The following ALDH1A2 variants were observed in gnomAD, a reference collection of about 807,000 sequenced individuals.
The protein encoded by ALDH1A2 is retinal dehydrogenase 2.
In ALDH1A2, 27 loss-of-function variants were observed where a neutral mutation model predicts 60.3. The ratio of observed to expected loss-of-function variants is 0.45; its 90% CI spans 0.33 to 0.62. ALDH1A2 has a LOEUF of 0.62. ALDH1A2 is among the 20% of genes least tolerant of loss of function. ALDH1A2 has a pLI of 0.02. For synonymous variants in ALDH1A2, 289 were observed against 232.4 expected, an observed-to-expected ratio of 1.24 and a Z score of -2.21; for missense variants, 581 against 643.8, an observed-to-expected ratio of 0.90 and a Z score of 1.06.
chr15:57,997,238 A>T (rs1895094135), intron 4 of ALDH1A2, among the ~76,000 whole-genome samples: 1 of 152,066 alleles, frequency 6.6e-6, no homozygotes, highest in Non-Finnish European at 1.5e-5. Context: ...AGATAACTAA[A>T]GAATCTTCTG....
chr15:57,984,884 G>A (rs896917186), intron 7 of ALDH1A2, among the ~76,000 whole-genome samples: 10 of 152,008 alleles, frequency 6.6e-5, no homozygotes, highest in Non-Finnish European at 2.9e-5. Context: ...TGATCACCTG[G>A]TTTTTGTCCT....
At chr15:58,027,574 C>G (rs1180455484) in intron 1 of ALDH1A2, among the ~76,000 whole-genome samples, 1 of 152,112 alleles carries the variant, frequency 6.6e-6, no homozygotes, top group African/African-American at 2.4e-5. Flanking sequence ...AAGTAGGCTT[C>G]AGAAGGTCGG....
chr15:57,981,956 C>T (rs1263870541), intron 7 of ALDH1A2, among the ~76,000 whole-genome samples: 2 of 152,138 alleles, frequency 1.3e-5, no homozygotes, highest in Non-Finnish European at 2.9e-5. Flanking sequence ...ATGTGGTGAA[C>T]GACTTCCTGT....
Position 58,021,800 on chromosome 15 carries a change from G to C in ALDH1A2, c.118-7519C>G, listed in dbSNP as rs1272554158. On this transcript the variant is annotated intron_variant, in intron 1 of 12. Transcript: ENST00000249750. ...GTAGCCAAGGCTAAGAAGCCAGTGA[G>C]ACATGAGCTGAAGCACCCAGTGCTG... Among the ~76,000 whole-genome samples the C allele has an allele frequency of 2.0e-5, 3 of 152,260 alleles. No individual in the cohort carries two copies. The South Asian group carries it at 6.2e-4, about 31-fold the overall frequency.
At chr15:57,955,291 G>T in intron 12 of ALDH1A2, 22 bp from the exon 13 acceptor site, 1 of 1,613,730 alleles carries the variant, frequency 6.2e-7, no homozygotes, top group Non-Finnish European at 8.5e-7. Flanking sequence ...AAATGGGCCG[G>T]GTCAGATACC....
intron 7 of ALDH1A2, among the ~76,000 whole-genome samples, chr15:57,989,504 A>G (rs1894822114): frequency 1.3e-5 from 2 of 152,196 alleles, no homozygotes; most frequent in South Asian, 4.1e-4. Context: ...ATATTATAGT[A>G]ACACATCTTA....
intron 1 of ALDH1A2, among the ~76,000 whole-genome samples, chr15:58,018,289 C>G (rs1221963672): frequency 6.6e-6 from 1 of 151,616 alleles, no homozygotes; most frequent in East Asian, 1.9e-4. Flanking sequence ...AGATTATGAC[C>G]CATAGAATGA....
intron 4 of ALDH1A2, among the ~76,000 whole-genome samples, chr15:57,998,595 A>C (rs1895146592): frequency 6.6e-6 from 1 of 152,168 alleles, no homozygotes; most frequent in Non-Finnish European, 1.5e-5. Context: ...CATGGATAGG[A>C]AGAATCAATA....
intron 1 of ALDH1A2, among the ~76,000 whole-genome samples, chr15:58,063,130 G>T (rs1275045364): frequency 6.6e-6 from 1 of 152,184 alleles, no homozygotes; most frequent in South Asian, 2.1e-4. Flanking sequence ...TCATAGTCTG[G>T]TCATTTATTT....
intron 1 of ALDH1A2, among the ~76,000 whole-genome samples, chr15:58,064,196 G>A (rs1390211225): frequency 6.6e-6 from 1 of 151,992 alleles, no homozygotes; most frequent in East Asian, 1.9e-4. Flanking sequence ...TTCCCTGCTC[G>A]TTCCTAAACC....
At chr15:57,989,130 C>G (rs1053989950) in intron 7 of ALDH1A2, among the ~76,000 whole-genome samples, 39 of 152,188 alleles carry the variant, frequency 2.6e-4, no homozygotes, top group Non-Finnish European at 1.5e-5. Context: ...GCCTGGGTGA[C>G]AGGGCAAGAC....
At chr15:58,021,153 G>A (rs1258878744) in intron 1 of ALDH1A2, among the ~76,000 whole-genome samples, 1 of 152,016 alleles carries the variant, frequency 6.6e-6, no homozygotes, top group Non-Finnish European at 1.5e-5. Flanking sequence ...GTGACATATG[G>A]TTAGATTTTA....
chr15:57,996,004 T>C (rs1220926949), intron 4 of ALDH1A2, among the ~76,000 whole-genome samples: 2 of 152,150 alleles, frequency 1.3e-5, no homozygotes, highest in Non-Finnish European at 2.9e-5. Flanking sequence ...GCAAAGTCTT[T>C]ATTTTTCCCT....
At chr15:57,965,107 G>GA (rs1893851725) in intron 8 of ALDH1A2, among the ~76,000 whole-genome samples, 2 of 152,244 alleles carry the variant, frequency 1.3e-5, no homozygotes, top group East Asian at 3.9e-4. Flanking sequence ...GAATGGCCTA[G>GA]GTGGCATCCT....
chr15:58,025,364 C>T (rs1896051501), intron 1 of ALDH1A2, among the ~76,000 whole-genome samples: 1 of 152,024 alleles, frequency 6.6e-6, no homozygotes, highest in African/African-American at 2.4e-5. Flanking sequence ...ACAATGGATA[C>T]CACAGTAATC....
chr15:57,997,554 A>G (rs1309781196), intron 4 of ALDH1A2, among the ~76,000 whole-genome samples: 15 of 151,460 alleles, frequency 9.9e-5, no homozygotes, highest in African/African-American at 3.4e-4. Context: ...AATGGTTCAG[A>G]AAAAAAAACT....
chr15:58,002,289 T>C (rs1895301017), intron 4 of ALDH1A2, among the ~76,000 whole-genome samples: 2 of 151,938 alleles, frequency 1.3e-5, no homozygotes, highest in African/African-American at 4.8e-5. Context: ...AGATCAACAG[T>C]ACAATAAGCC....
chr15:58,034,178 C>T (rs1351952192), intron 1 of ALDH1A2, among the ~76,000 whole-genome samples: 1 of 151,424 alleles, frequency 6.6e-6, no homozygotes, highest in Non-Finnish European at 1.5e-5. Flanking sequence ...TGTGGTTTCC[C>T]TTATAAATGT....
At chr15:57,974,068 G>A (rs564199477) in intron 7 of ALDH1A2, among the ~76,000 whole-genome samples, 1 of 152,072 alleles carries the variant, frequency 6.6e-6, no homozygotes. Context: ...TTGTTATAAA[G>A]CTATAATAGT....
Sources: allele counts gnomAD v4.1 joint callset (sites outside exome capture counted in the v4.1 genomes callset), GRCh38; gene constraint gnomAD v4.1.1; transcripts MANE v1.5; gene names NCBI Gene and HGNC (gene_info 2026-07-23, HGNC 2026-07-21).